The following ACACA variants were observed in gnomAD, a reference collection of about 807,000 sequenced individuals.
ACACA encodes the protein acetyl-CoA carboxylase alpha.
ACACA carries 103 observed loss-of-function variants against 296.1 expected under a neutral mutation model. That is an observed-to-expected ratio of 0.35 (90% CI 0.30 to 0.41). The LOEUF (loss-of-function observed/expected upper bound fraction) is 0.41. ACACA is among the 10% of genes least tolerant of loss of function. The pLI is 1.00. For synonymous variants in ACACA, 953 were observed against 1,038.6 expected (o/e 0.92, Z 1.58); for missense variants, 1,554 against 2,989.7 (o/e 0.52, Z 11.20).
intron 1 of ACACA, among the ~76,000 whole-genome samples, chr17:37,352,605 G>A (rs1380569578): frequency 3.3e-5 from 5 of 151,906 alleles, no homozygotes; most frequent in African/African-American, 4.8e-5. Context: ...TGTAGTCCCC[G>A]CTACTTGGGA....
At chr17:37,235,718 T>C (rs896741826) in intron 24 of ACACA, among the ~76,000 whole-genome samples, 2 of 152,172 alleles carry the variant, frequency 1.3e-5, no homozygotes, top group Non-Finnish European at 2.9e-5. Context: ...CTGTTAGTCC[T>C]TGAAACAGCT....
chr17:37,367,243 GA>G (rs2049641436), intron 1 of ACACA, among the ~76,000 whole-genome samples: 1 of 150,112 alleles, frequency 6.7e-6, no homozygotes, highest in African/African-American at 2.4e-5. Context: ...AAAAAAAGAA[GA>G]AAGAATAAAG....
chr17:37,378,520 C>A (rs1157731120), intron 1 of ACACA, among the ~76,000 whole-genome samples: 1 of 151,292 alleles, frequency 6.6e-6, no homozygotes, highest in East Asian at 2.0e-4. Context: ...TGAGACTAGC[C>A]TGACCAACAT....
intron 10 of ACACA, among the ~76,000 whole-genome samples, chr17:37,265,513 G>A (rs903813114): frequency 8.5e-5 from 13 of 152,196 alleles, no homozygotes; most frequent in African/African-American, 3.1e-4. Context: ...AAAGACCTGG[G>A]AACTAAGAAG....
chr17:37,248,294 T>G, intron 17 of ACACA, 138 bp from the exon 18 acceptor site: 1 of 1,136,040 alleles, frequency 8.8e-7, no homozygotes, highest in Non-Finnish European at 1.3e-6. Context: ...TTTGCATCAG[T>G]GTCTGTGGAC....
chr17:37,101,566 C>A (rs751931753), intron 52 of ACACA, among the ~76,000 whole-genome samples: 32 of 152,156 alleles, frequency 2.1e-4, no homozygotes, highest in Non-Finnish European at 4.0e-4. Flanking sequence ...GTTTGGGTCC[C>A]AAAGCTTTTG....
intron 35 of ACACA, among the ~76,000 whole-genome samples, chr17:37,199,406 G>GTACT (rs1176836561): frequency 6.6e-6 from 1 of 152,072 alleles, no homozygotes; most frequent in Admixed American, 6.5e-5. Context: ...TGTTGTCACT[G>GTACT]TACTGGGTAT....
At chr17:37,332,323 A>AT (rs1457310743) in intron 2 of ACACA, among the ~76,000 whole-genome samples, 1 of 151,564 alleles carries the variant, frequency 6.6e-6, no homozygotes, top group African/African-American at 2.4e-5. Flanking sequence ...ATTTAAAAAT[A>AT]TTTTTTAAAA....
intron 1 of ACACA, chr17:37,376,029 A>G (rs1299248476): frequency 2.1e-6 from 3 of 1,397,686 alleles, no homozygotes; most frequent in Non-Finnish European, 3.0e-6. Context: ...CTAGAGGCAG[A>G]GCTATCAAGG....
At position 37,151,315 on chromosome 17, in the gene ACACA, T is replaced by C. The variant is rs763314872; in HGVS notation, c.5554A>G (p.Ile1852Val). ...GESSLAYNEI[I>V]TISLVTCRAI... is the part of the protein sequence containing the mutation. Reference sequence around the variant, plus strand: ...GAAAGATTTACCAGGCTGATGGTAATGATCTCATTATAGGCCAATGAGGAT... The same window carrying C: ...GAAAGATTTACCAGGCTGATGGTAACGATCTCATTATAGGCCAATGAGGAT... The change falls in exon 44 of 56, where the codon ATT (isoleucine) becomes GTT (valine). Residue 1852 changes from isoleucine to valine, a missense_variant. Ile to Val is a conservative substitution (Grantham distance 29). Coordinates refer to ENST00000616317, the MANE Select transcript of ACACA (RefSeq NM_198834.3). The C allele has an allele frequency of 1.7e-5, 27 of 1,614,034 alleles. 1 individual carries two copies. In the South Asian group the frequency reaches 2.9e-4, roughly 17 times the overall value.
At chr17:37,096,834 C>T (rs576365842) in intron 54 of ACACA, among the ~76,000 whole-genome samples, 162 bp downstream of exon 54, 1 of 152,246 alleles carries the variant, frequency 6.6e-6, no homozygotes, top group South Asian at 2.1e-4. Flanking sequence ...CGTGACATGA[C>T]ATGTTAGGGG....
intron 16 of ACACA, 93 bp from the exon 17 acceptor site, chr17:37,248,767 C>A: frequency 1.1e-6 from 1 of 927,844 alleles, no homozygotes; most frequent in East Asian, 2.7e-5. Flanking sequence ...CCTAGAATAA[C>A]AAAAGACTAG....
At chr17:37,229,823 A>G (rs1458390758) in intron 25 of ACACA, among the ~76,000 whole-genome samples, 1 of 151,624 alleles carries the variant, frequency 6.6e-6, no homozygotes, top group African/African-American at 2.4e-5. Flanking sequence ...TAATCCCAGC[A>G]CTTTGGGAGG....
intron 11 of ACACA, among the ~76,000 whole-genome samples, chr17:37,260,164 G>T (rs984161716): frequency 6.8e-6 from 1 of 147,074 alleles, no homozygotes; most frequent in Admixed American, 6.8e-5. Flanking sequence ...TTACAGGCGT[G>T]AGCCACCATG....
chr17:37,377,713 T>C (rs2050069062), intron 1 of ACACA, among the ~76,000 whole-genome samples: 1 of 151,440 alleles, frequency 6.6e-6, no homozygotes, highest in Non-Finnish European at 1.5e-5. Flanking sequence ...AAAAGTAAAG[T>C]CTTTTTAGAG....
chr17:37,321,261 C>A (rs2047342122), intron 3 of ACACA, among the ~76,000 whole-genome samples: 1 of 152,188 alleles, frequency 6.6e-6, no homozygotes, highest in South Asian at 2.1e-4. Context: ...CAGATCCTCC[C>A]AGAATCTGAC....
chr17:37,173,982 TTATATATATATATATATATATATATATA>T (rs1173883631), intron 41 of ACACA, among the ~76,000 whole-genome samples: 3 of 19,450 alleles, frequency 1.5e-4, no homozygotes, highest in Non-Finnish European at 3.1e-4. Flanking sequence ...CCTGGCTAAT[TTATATATATATATATATATATATATATA>T]TATATATATA....
At chr17:37,376,110 C>T in intron 1 of ACACA, 1 of 1,613,130 alleles carries the variant, frequency 6.2e-7, no homozygotes, top group Non-Finnish European at 8.5e-7. Flanking sequence ...CCATCTTGGT[C>T]TTCAGCCTAA....
At chr17:37,244,849 A>C in intron 20 of ACACA, 115 bp from the exon 21 acceptor site, 1 of 1,461,816 alleles carries the variant, frequency 6.8e-7, no homozygotes, top group Non-Finnish European at 9.6e-7. Flanking sequence ...AGCTACCAGG[A>C]GGGAAGTCAA....
Sources: gnomAD v4.1 joint callset for allele counts (sites outside exome capture counted in the v4.1 genomes callset) on GRCh38, gnomAD v4.1.1 for gene constraint, MANE v1.5 for transcripts, NCBI Gene and HGNC (gene_info 2026-07-23, HGNC 2026-07-21) for gene names.